IGSF11: variants seen among roughly 807,000 people sequenced by gnomAD.
IGSF11 encodes CXADR like 1.
Under a neutral mutation model 41.0 loss-of-function variants are expected in IGSF11, and 22 were observed. The observed-to-expected ratio is 0.54, with a 90% CI of 0.38 to 0.77. The LOEUF (loss-of-function observed/expected upper bound fraction) is 0.77, where lower values mean the gene tolerates loss of function less well. IGSF11 is among the 30% of genes least tolerant of loss of function. The probability of loss-of-function intolerance (pLI) is 0.00; values close to 1 mark genes in which losing one functional copy is unlikely to be tolerated. For missense variants in IGSF11, 444 were observed against 530.8 expected (o/e 0.84, Z 1.61); for synonymous variants, 219 against 201.3 (o/e 1.09, Z -0.74).
At position 118,905,653 on chromosome 3, in the gene IGSF11, C is replaced by T. The variant is rs752441774; in HGVS notation, c.646G>A (p.Val216Met). The T allele has an allele frequency of 1.4e-5, 22 of 1,613,688 alleles. No homozygotes were observed. Among genetic ancestry groups the T allele is most frequent in the East Asian group, 6.7e-5 (3 of 44,884 alleles). ...SALSSGLYQC[V>M]ASNAIGTSTC... is the part of the protein sequence containing the mutation. ...CTGGTTCCAATAGCATTAGAAGCCACGCACTGGTACAAACCTGAAGACAGG... is the reference window on the plus strand; with the variant it reads ...CTGGTTCCAATAGCATTAGAAGCCATGCACTGGTACAAACCTGAAGACAGG... The change falls in exon 5 of 7, where the codon GTG becomes ATG. Residue 216 changes from valine (V) to methionine (M), a missense_variant. Coordinates refer to ENST00000393775, the MANE Select transcript of IGSF11 (RefSeq NM_001015887.3).
At chr3:119,091,891 A>C (rs1046563698) in intron 1 of IGSF11, among the ~76,000 whole-genome samples, 13 of 152,044 alleles carry the variant, frequency 8.6e-5, no homozygotes, top group Non-Finnish European at 1.6e-4. Context: ...AAAATAAAAA[A>C]TTTAAAAATA....
At chr3:119,059,413 A>G (rs1272723889) in intron 1 of IGSF11, among the ~76,000 whole-genome samples, 1 of 152,080 alleles carries the variant, frequency 6.6e-6, no homozygotes, top group Non-Finnish European at 1.5e-5. Flanking sequence ...ACTCAGGGGA[A>G]GGGTGGAGGG....
At chr3:118,962,992 A>AAGACTTTACACTTTACAC (rs1211230992) in intron 1 of IGSF11, among the ~76,000 whole-genome samples, 3 of 152,180 alleles carry the variant, frequency 2.0e-5, no homozygotes, top group African/African-American at 7.2e-5. Context: ...TACAAAAGCA[A>AAGACTTTACACTTTACAC]TTGCCAAAGA....
At chr3:119,111,754 T>C (rs914425542) in intron 1 of IGSF11, among the ~76,000 whole-genome samples, 3 of 152,236 alleles carry the variant, frequency 2.0e-5, no homozygotes, top group African/African-American at 7.2e-5. Context: ...GATGGTGATG[T>C]ACAGATGGGT....
At chr3:119,028,140 T>C (rs1331753227) in intron 1 of IGSF11, among the ~76,000 whole-genome samples, 1 of 152,186 alleles carries the variant, frequency 6.6e-6, no homozygotes, top group East Asian at 1.9e-4. Flanking sequence ...AGTGGAGGAT[T>C]TATGATTAGT....
chr3:119,117,359 TG>T (rs1278358044), intron 1 of IGSF11, among the ~76,000 whole-genome samples: 1 of 152,068 alleles, frequency 6.6e-6, no homozygotes, highest in Non-Finnish European at 1.5e-5. Context: ...CTCACAATAA[TG>T]AAGGAAGGCA....
intron 1 of IGSF11, among the ~76,000 whole-genome samples, chr3:118,956,129 C>T (rs1286701245): frequency 6.6e-6 from 1 of 152,162 alleles, no homozygotes; most frequent in Non-Finnish European, 1.5e-5. Flanking sequence ...CTGTGCCTTC[C>T]TTGCCTCTCT....
chr3:119,135,062 C>G (rs1240246775), intron 1 of IGSF11, among the ~76,000 whole-genome samples: 2 of 152,168 alleles, frequency 1.3e-5, no homozygotes, highest in Non-Finnish European at 2.9e-5. Flanking sequence ...AAAATTAATT[C>G]AAGACGGATT....
At position 119,114,851 on chromosome 3, in the gene IGSF11, A is replaced by T. The variant is rs146014834; in HGVS notation, c.-13-9646T>A. On this transcript the variant is annotated intron_variant, in intron 1 of 7. Coordinates refer to the IGSF11 transcript ENST00000425327. ...ACCTAACACTGGGTAATTTATAGAG[A>T]GGTTTAATTGCCTCACAGTTCCATA... Among the ~76,000 whole-genome samples the T allele has an allele frequency of 3.6e-3, 552 of 152,216 alleles. 2 individuals carry two copies. The highest frequency in any genetic ancestry group is 6.0e-3 in the Non-Finnish European group (411 of 68,012).
At chr3:119,001,705 A>C (rs1936889746) in intron 1 of IGSF11, among the ~76,000 whole-genome samples, 1 of 147,574 alleles carries the variant, frequency 6.8e-6, no homozygotes, top group Non-Finnish European at 1.5e-5. Context: ...CCCATCTATG[A>C]GTGAGAATAT....
chr3:118,999,574 G>C (rs1936606169), intron 1 of IGSF11, among the ~76,000 whole-genome samples: 1 of 152,128 alleles, frequency 6.6e-6, no homozygotes, highest in South Asian at 2.1e-4. Flanking sequence ...TAAGGTTCTT[G>C]ACATATCCTT....
chr3:119,114,750 G>T (rs1478430172), intron 1 of IGSF11, among the ~76,000 whole-genome samples: 3 of 152,042 alleles, frequency 2.0e-5, no homozygotes, highest in Non-Finnish European at 2.9e-5. Context: ...ACATTTTCAG[G>T]TATCTTTATA....
chr3:119,089,045 A>T (rs2076721871), intron 1 of IGSF11, among the ~76,000 whole-genome samples: 1 of 152,174 alleles, frequency 6.6e-6, no homozygotes, highest in African/African-American at 2.4e-5. Context: ...TATTCAAAAA[A>T]ATCGAGGAGT....
At chr3:119,139,452 C>T (rs2077609729) in intron 1 of IGSF11, among the ~76,000 whole-genome samples, 2 of 152,162 alleles carry the variant, frequency 1.3e-5, no homozygotes, top group Non-Finnish European at 1.5e-5. Context: ...ATAATTGAAT[C>T]ACAGGGGTGG....
chr3:119,059,154 T>A (rs966741956), intron 1 of IGSF11, among the ~76,000 whole-genome samples: 1 of 100,292 alleles, frequency 1.0e-5, no homozygotes, highest in African/African-American at 3.9e-5. Context: ...AGAAAGAAAA[T>A]GTAGTGTGTG....
intron 1 of IGSF11, among the ~76,000 whole-genome samples, chr3:119,063,601 G>C (rs1347665156): frequency 6.6e-6 from 1 of 152,142 alleles, no homozygotes; most frequent in Non-Finnish European, 1.5e-5. Flanking sequence ...TCTTAGCCAG[G>C]CTTCAAGATA....
chr3:119,106,885 A>G (rs1043153492), upstream of IGSF11, among the ~76,000 whole-genome samples: 44 of 152,146 alleles, frequency 2.9e-4, no homozygotes, highest in African/African-American at 9.6e-4. Flanking sequence ...ATGATTTCCA[A>G]TTTCATCCAT....
intron 1 of IGSF11, among the ~76,000 whole-genome samples, chr3:119,075,444 CAA>C (rs2076478170): frequency 6.6e-6 from 1 of 152,052 alleles, no homozygotes. Flanking sequence ...TCCAAAAAAA[CAA>C]AGAGAAGGAC....
chr3:119,083,765 G>C (rs1165219276), intron 1 of IGSF11, among the ~76,000 whole-genome samples: 1 of 152,178 alleles, frequency 6.6e-6, no homozygotes, highest in Non-Finnish European at 1.5e-5. Context: ...ATTATGTGCA[G>C]TACACAGTAT....
Sources: gnomAD v4.1 joint callset for allele counts (sites outside exome capture counted in the v4.1 genomes callset) on GRCh38, gnomAD v4.1.1 for gene constraint, MANE v1.5 for transcripts, NCBI Gene and HGNC (gene_info 2026-07-23, HGNC 2026-07-21) for gene names.